CCDC171: variants seen among roughly 807,000 people sequenced by gnomAD.
CCDC171 encodes coiled-coil domain containing 171.
A neutral mutation model predicts 168.2 loss-of-function variants in CCDC171; 177 were observed. That is an observed-to-expected ratio of 1.05 (90% CI 0.93 to 1.19). The LOEUF is 1.19. CCDC171 is among the 50% of genes most tolerant of loss of function. The pLI is 0.00. For missense variants in CCDC171, 1,991 were observed against 1,539.0 expected (o/e 1.29, Z -4.91); for synonymous variants, 687 against 540.8 (o/e 1.27, Z -3.75).
At chr9:15,566,588 A>G (rs922980628) in intron 2 of CCDC171, among the ~76,000 whole-genome samples, 31 of 152,194 alleles carry the variant, frequency 2.0e-4, no homozygotes, top group Admixed American at 1.4e-3. Flanking sequence ...AATAAGATAT[A>G]TGATATGCAA....
intron 9 of CCDC171, among the ~76,000 whole-genome samples, chr9:15,666,825 T>C (rs1244612455): frequency 6.6e-6 from 1 of 152,090 alleles, no homozygotes; most frequent in African/African-American, 2.4e-5. Context: ...CATAAAATGG[T>C]CTATATGAAG....
At chr9:16,075,743 G>C in the CCDC171 span, among the ~76,000 whole-genome samples, 2 of 152,136 alleles carry the variant, frequency 1.3e-5, no homozygotes, top group Admixed American at 1.3e-4. Context: ...AAACAACTTA[G>C]GGAGGAAATA....
chr9:16,011,305 T>C (rs1832862087), intron 3 of CCDC171, among the ~76,000 whole-genome samples: 1 of 152,182 alleles, frequency 6.6e-6, no homozygotes, highest in Non-Finnish European at 1.5e-5. Flanking sequence ...TATTCTATCC[T>C]GTTTATGCTG....
chr9:15,869,150 C>G (rs2061918694), intron 23 of CCDC171, among the ~76,000 whole-genome samples: 1 of 151,902 alleles, frequency 6.6e-6, no homozygotes, highest in African/African-American at 2.4e-5. Flanking sequence ...ATATGGAACC[C>G]ACAAATATGG....
intron 4 of CCDC171, among the ~76,000 whole-genome samples, chr9:16,021,017 G>C (rs575902322): frequency 6.6e-6 from 1 of 152,300 alleles, no homozygotes; most frequent in South Asian, 2.1e-4. Flanking sequence ...ACAAACGCAA[G>C]TATTGCACTA....
At chr9:15,667,685 T>A (rs2048830033) in intron 9 of CCDC171, among the ~76,000 whole-genome samples, 1 of 152,132 alleles carries the variant, frequency 6.6e-6, no homozygotes, top group Non-Finnish European at 1.5e-5. Flanking sequence ...AAGAAGTGAG[T>A]TAACTTAAGT....
chr9:15,864,396 G>A (rs985535939), intron 23 of CCDC171, among the ~76,000 whole-genome samples: 2 of 151,950 alleles, frequency 1.3e-5, no homozygotes, highest in African/African-American at 4.8e-5. Flanking sequence ...TGCCATGTTG[G>A]TGTGTTGCAC....
intron 3 of CCDC171, among the ~76,000 whole-genome samples, chr9:16,012,451 A>G (rs540128724): frequency 6.6e-6 from 1 of 151,822 alleles, no homozygotes. Flanking sequence ...TGGGCCTCTT[A>G]CCATTTTTCT....
At chr9:16,055,061 A>G (rs923128656) in intron 1 of CCDC171, among the ~76,000 whole-genome samples, 2 of 152,172 alleles carry the variant, frequency 1.3e-5, no homozygotes, top group East Asian at 1.9e-4. Context: ...GTGGGAAGGT[A>G]GGATTTGAGG....
chr9:15,762,229 T>C (rs1187597903), intron 18 of CCDC171, among the ~76,000 whole-genome samples: 1 of 151,786 alleles, frequency 6.6e-6, no homozygotes, highest in African/African-American at 2.4e-5. Flanking sequence ...AGTTATCTTT[T>C]CAGGTTTTTG....
intron 23 of CCDC171, among the ~76,000 whole-genome samples, chr9:15,872,824 T>TGA (rs1817342523): frequency 6.6e-6 from 1 of 152,012 alleles, no homozygotes; most frequent in Non-Finnish European, 1.5e-5. Flanking sequence ...ATGTTTTCTT[T>TGA]TATCTGAGTG....
chr9:15,694,853 C>T (rs1005620111), intron 10 of CCDC171, among the ~76,000 whole-genome samples: 4 of 152,238 alleles, frequency 2.6e-5, no homozygotes, highest in African/African-American at 4.8e-5. Flanking sequence ...CTTTTGACTG[C>T]CATCTGGCAA....
chr9:16,045,455 G>T (rs1452924845), intron 1 of CCDC171, among the ~76,000 whole-genome samples: 1 of 152,158 alleles, frequency 6.6e-6, no homozygotes, highest in African/African-American at 2.4e-5. Context: ...CCTGCTAGGT[G>T]CTGGTAGCAC....
At chr9:15,574,936 A>C (rs181740182) in intron 3 of CCDC171, among the ~76,000 whole-genome samples, 88 of 152,312 alleles carry the variant, frequency 5.8e-4, no homozygotes, top group Non-Finnish European at 1.2e-4. Context: ...TTATAGACTC[A>C]TACGTTCCAG....
intron 23 of CCDC171, among the ~76,000 whole-genome samples, chr9:15,862,835 C>A (rs912617179): frequency 6.6e-6 from 1 of 151,950 alleles, no homozygotes. Flanking sequence ...TAGTATGCCT[C>A]ATCAGTACTT....
At chr9:16,102,991 GC>G in the CCDC171 span, among the ~76,000 whole-genome samples, 1 of 152,152 alleles carries the variant, frequency 6.6e-6, no homozygotes, top group South Asian at 2.1e-4. Context: ...TTCGGATTGA[GC>G]AGGCAGAAAA....
intron 11 of CCDC171, among the ~76,000 whole-genome samples, chr9:15,705,120 A>ACACACACACACACACT (rs1462439068): frequency 1.1e-4 from 16 of 149,904 alleles, no homozygotes; most frequent in African/African-American, 2.5e-4. Context: ...ACACACACAC[A>ACACACACACACACACT]CTCTCACTCA....
At chr9:15,961,933 A>T (rs569860091) in intron 25 of CCDC171, among the ~76,000 whole-genome samples, 4 of 152,272 alleles carry the variant, frequency 2.6e-5, no homozygotes, top group Admixed American at 2.6e-4. Context: ...GTCTTGCCCT[A>T]GGGTCAGCAA....
At chr9:16,033,607 A>G (rs1055683052) in intron 6 of CCDC171, among the ~76,000 whole-genome samples, 10 of 152,196 alleles carry the variant, frequency 6.6e-5, no homozygotes, top group East Asian at 1.9e-4. Context: ...TTATTTCATT[A>G]TATATTACAA....
Sources: gnomAD v4.1 joint callset for allele counts (sites outside exome capture counted in the v4.1 genomes callset) on GRCh38, gnomAD v4.1.1 for gene constraint, MANE v1.5 for transcripts, NCBI Gene and HGNC (gene_info 2026-07-23, HGNC 2026-07-21) for gene names.